RANBP2: variants seen among roughly 807,000 people sequenced by gnomAD.
RANBP2 encodes the protein RAN binding protein 2.
Under a neutral mutation model 303.6 loss-of-function variants are expected in RANBP2, and 57 were observed. That is an observed-to-expected ratio of 0.19 (90% CI 0.15 to 0.23). The LOEUF (loss-of-function observed/expected upper bound fraction) is 0.23. Ranked by LOEUF, RANBP2 falls within the 10% of genes least tolerant of loss-of-function variation. RANBP2 has a pLI of 1.00. For synonymous variants in RANBP2, 1,167 were observed against 1,301.5 expected, an observed-to-expected ratio of 0.90 and a Z score of 2.23; for missense variants, 3,138 against 3,780.8, an observed-to-expected ratio of 0.83 and a Z score of 4.46.
the RANBP2 span, among the ~76,000 whole-genome samples, chr2:108,855,811 T>C: frequency 6.6e-6 from 1 of 152,202 alleles, no homozygotes; most frequent in African/African-American, 2.4e-5. Context: ...AAAGAAGAAA[T>C]GCAACATGAA....
the RANBP2 span, chr2:109,347,657 C>T: frequency 4.3e-6 from 7 of 1,611,138 alleles, no homozygotes; most frequent in African/African-American, 2.7e-5. Context: ...TGACCACATG[C>T]TGTCTGTTGC....
the RANBP2 span, among the ~76,000 whole-genome samples, chr2:109,646,131 A>C: frequency 1.3e-5 from 2 of 151,970 alleles, no homozygotes; most frequent in African/African-American, 2.4e-5. Flanking sequence ...ACCCTAGGCT[A>C]TGTTCTGTTA....
the RANBP2 span, among the ~76,000 whole-genome samples, chr2:109,244,853 C>T: frequency 6.6e-6 from 1 of 152,172 alleles, no homozygotes; most frequent in Non-Finnish European, 1.5e-5. Context: ...CACACCTTTC[C>T]CACTGCAGCC....
At chr2:109,628,147 A>C in the RANBP2 span, among the ~76,000 whole-genome samples, 6 of 152,130 alleles carry the variant, frequency 3.9e-5, no homozygotes, top group South Asian at 1.2e-3. Context: ...GCCACCCTCC[A>C]TCATGCAGAG....
At chr2:109,755,220 GTACT>G in the RANBP2 span, among the ~76,000 whole-genome samples, 1 of 129,746 alleles carries the variant, frequency 7.7e-6, no homozygotes, top group African/African-American at 3.0e-5. Context: ...CAAGCCACTT[GTACT>G]TCTACACAAC....
chr2:109,691,450 G>A, the RANBP2 span, among the ~76,000 whole-genome samples: 1 of 152,078 alleles, frequency 6.6e-6, no homozygotes, highest in African/African-American at 2.4e-5. Context: ...CTGTTTCTAG[G>A]GCTCTGTTCT....
At chr2:109,601,850 T>G in the RANBP2 span, among the ~76,000 whole-genome samples, 3 of 152,080 alleles carry the variant, frequency 2.0e-5, no homozygotes, top group East Asian at 1.9e-4. Flanking sequence ...TTTCTAGCAC[T>G]GTATGAGTCA....
At chr2:109,613,611 C>A in the RANBP2 span, 12 of 327,482 alleles carry the variant, frequency 3.7e-5, no homozygotes, top group African/African-American at 2.2e-4. Flanking sequence ...GCCCAGGCTC[C>A]GCAGAGGCTC....
chr2:108,748,871 A>G (rs1675606354), intron 8 of RANBP2, 49 bp from the exon 9 acceptor site: 8 of 1,611,892 alleles, frequency 5.0e-6, no homozygotes, highest in Non-Finnish European at 6.8e-6. Context: ...GTGAGCAAAT[A>G]CAATCTGTAA....
At chr2:109,715,986 G>A in the RANBP2 span, among the ~76,000 whole-genome samples, 4 of 152,170 alleles carry the variant, frequency 2.6e-5, no homozygotes, top group African/African-American at 7.2e-5. Context: ...GTCTGAGACA[G>A]GTCTCAATTT....
At chr2:109,348,676 T>C in the RANBP2 span, among the ~76,000 whole-genome samples, 2 of 152,136 alleles carry the variant, frequency 1.3e-5, no homozygotes, top group African/African-American at 2.4e-5. Flanking sequence ...GTTTTCTCCA[T>C]GTGTAAACCA....
chr2:109,158,467 C>A, the RANBP2 span, among the ~76,000 whole-genome samples: 408 of 152,256 alleles, frequency 2.7e-3, 2 homozygotes, highest in Non-Finnish European at 2.6e-3. Context: ...AGGTTCAGTC[C>A]CCCAAGGCTC....
the RANBP2 span, chr2:109,614,380 A>C: frequency 2.1e-4 from 180 of 875,726 alleles, 1 homozygote; most frequent in Middle Eastern, 5.0e-3. Flanking sequence ...GTAGGCTGGC[A>C]GCCCGCTGAG....
the RANBP2 span, among the ~76,000 whole-genome samples, chr2:109,675,345 C>T: frequency 2.0e-5 from 3 of 152,136 alleles, no homozygotes; most frequent in African/African-American, 7.2e-5. Context: ...CTTTCTGAAT[C>T]GAATCCGCAG....
the RANBP2 span, among the ~76,000 whole-genome samples, chr2:109,466,439 TTTG>T: frequency 6.6e-6 from 1 of 152,274 alleles, no homozygotes; most frequent in African/African-American, 2.4e-5. Flanking sequence ...AATTGGGTTG[TTTG>T]TTTTCTTATA....
the RANBP2 span, among the ~76,000 whole-genome samples, chr2:109,334,974 G>A: frequency 6.6e-6 from 1 of 152,224 alleles, no homozygotes; most frequent in Non-Finnish European, 1.5e-5. Context: ...CAGGCCATGC[G>A]TCCTGGTGCG....
the RANBP2 span, among the ~76,000 whole-genome samples, chr2:109,691,277 GT>G: frequency 3.9e-5 from 6 of 152,204 alleles, 1 homozygote; most frequent in South Asian, 1.2e-3. Flanking sequence ...TAGATGACAG[GT>G]TTTTAGTGGA....
At chr2:109,513,969 TGGGCCTGG>T in the RANBP2 span, among the ~76,000 whole-genome samples, 1 of 152,204 alleles carries the variant, frequency 6.6e-6, no homozygotes, top group East Asian at 1.9e-4. Context: ...GGCAGCCTCC[TGGGCCTGG>T]GGGCCTTCTG....
chr2:109,534,025 C>T, the RANBP2 span, among the ~76,000 whole-genome samples: 28 of 152,276 alleles, frequency 1.8e-4, no homozygotes, highest in African/African-American at 6.5e-4. Context: ...AGCGGGTGAG[C>T]GGCCTCATAC....
Sources: gnomAD v4.1 joint callset for allele counts (sites outside exome capture counted in the v4.1 genomes callset) on GRCh38, gnomAD v4.1.1 for gene constraint, MANE v1.5 for transcripts, NCBI Gene and HGNC (gene_info 2026-07-23, HGNC 2026-07-21) for gene names.